The following APBB2 variants were observed in gnomAD, a reference collection of about 807,000 sequenced individuals.
APBB2 encodes amyloid beta precursor protein binding family B member 2, also known as Fe65-like 1.
In APBB2, 38 loss-of-function variants were observed where a neutral mutation model predicts 82.5. The observed-to-expected ratio is 0.46, with a 90% CI of 0.36 to 0.60. APBB2 has a LOEUF of 0.60. Ranked by LOEUF, APBB2 falls within the 20% of genes least tolerant of loss-of-function variation. The probability of loss-of-function intolerance (pLI) is 0.00; values close to 1 mark genes in which losing one functional copy is unlikely to be tolerated. For missense variants in APBB2, 772 were observed against 972.3 expected (o/e 0.79, Z 2.74); for synonymous variants, 341 against 368.2 (o/e 0.93, Z 0.85).
intron 7 of APBB2, among the ~76,000 whole-genome samples, chr4:40,943,140 G>A (rs1404440600): frequency 6.6e-6 from 1 of 152,216 alleles, no homozygotes; most frequent in Non-Finnish European, 1.5e-5. Context: ...TAAGTGAGAA[G>A]ACCTCTGACC....
chr4:40,972,285 AG>A (rs1221420712), intron 6 of APBB2, among the ~76,000 whole-genome samples: 2 of 151,956 alleles, frequency 1.3e-5, no homozygotes, highest in African/African-American at 4.8e-5. Context: ...AAAATTAGCC[AG>A]GCGTGGTGGC....
chr4:41,106,678 G>A (rs531871364), intron 2 of APBB2, among the ~76,000 whole-genome samples: 6 of 152,134 alleles, frequency 3.9e-5, no homozygotes, highest in Admixed American at 1.3e-4. Flanking sequence ...GGGTTTCACC[G>A]TGTTAGCCAG....
chr4:40,923,689 G>A (rs1781901410), intron 10 of APBB2, among the ~76,000 whole-genome samples: 1 of 152,250 alleles, frequency 6.6e-6, no homozygotes, highest in Non-Finnish European at 1.5e-5. Context: ...GAAGAGGGAA[G>A]TCTGCCTTTC....
At chr4:40,952,185 C>CAAA (rs61159163) in intron 6 of APBB2, among the ~76,000 whole-genome samples, 32 of 111,132 alleles carry the variant, frequency 2.9e-4, no homozygotes, top group Non-Finnish European at 4.8e-4. Flanking sequence ...GACTCTGTCT[C>CAAA]AAAAAAAAAA....
chr4:40,964,990 C>G (rs527361928), intron 6 of APBB2, among the ~76,000 whole-genome samples: 24 of 152,048 alleles, frequency 1.6e-4, no homozygotes, highest in East Asian at 9.7e-4. Context: ...CGTGGTGGCA[C>G]GTGCCTGTAG....
intron 12 of APBB2, 53 bp downstream of exon 12, chr4:40,890,311 C>T: frequency 1.3e-6 from 2 of 1,575,962 alleles, no homozygotes; most frequent in Non-Finnish European, 1.7e-6. Flanking sequence ...TGGTGTTCAG[C>T]TAGACCAGGG....
chr4:40,846,423 C>T (rs1247749303), intron 12 of APBB2, among the ~76,000 whole-genome samples: 1 of 151,400 alleles, frequency 6.6e-6, no homozygotes, highest in Admixed American at 6.6e-5. Context: ...TCTTGAAACT[C>T]AATCCCAGGT....
At chr4:40,939,812 C>CT (rs996479864) in intron 7 of APBB2, among the ~76,000 whole-genome samples, 4 of 152,106 alleles carry the variant, frequency 2.6e-5, no homozygotes, top group African/African-American at 9.7e-5. Flanking sequence ...TCTGCCCACC[C>CT]TATCAGAAGA....
intron 1 of APBB2, among the ~76,000 whole-genome samples, chr4:41,202,245 C>A (rs1156770946): frequency 6.6e-6 from 1 of 152,234 alleles, no homozygotes; most frequent in Non-Finnish European, 1.5e-5. Context: ...CAACCTCTGG[C>A]AACTGCCATT....
intron 6 of APBB2, among the ~76,000 whole-genome samples, chr4:41,012,980 C>G (rs1356042250): frequency 6.6e-6 from 1 of 152,160 alleles, no homozygotes; most frequent in Non-Finnish European, 1.5e-5. Flanking sequence ...CTCAATTAGA[C>G]TAGTTAAAAG....
Position 40,826,019 on chromosome 4 carries a change from T to C in APBB2, c.1733-49A>G, listed in dbSNP as rs1040909918. On this transcript the variant is annotated intron_variant, in intron 14 of 17. Transcript: ENST00000508593. The surrounding 1 kb of genome is among the most constrained non-coding windows in gnomAD (Gnocchi z 4.5). ...TCTTTCTCAGTGGTTCCAACACACA[T>C]GTACACAACAGCCGTGGCTCTGCAT... 6.4e-6 allele frequency: 9 copies of C among 1,412,310 alleles called. No homozygotes were observed. Among genetic ancestry groups the C allele is most frequent in the South Asian group, 2.3e-5 (2 of 86,986 alleles). 87.5% of individuals were successfully genotyped at this position (1,412,310 alleles called of 1,614,324 possible).
intron 1 of APBB2, among the ~76,000 whole-genome samples, chr4:41,167,784 A>G (rs1370948208): frequency 6.6e-6 from 1 of 152,056 alleles, no homozygotes; most frequent in African/African-American, 2.4e-5. Flanking sequence ...TAGGAACAAT[A>G]CTGAGGAAAA....
At chr4:41,049,113 C>A (rs1467218226) in intron 4 of APBB2, among the ~76,000 whole-genome samples, 1 of 151,348 alleles carries the variant, frequency 6.6e-6, no homozygotes, top group Admixed American at 6.6e-5. Context: ...AGCGTCTCTG[C>A]CTGGCCGCCC....
chr4:41,135,915 C>G (rs1757428416), intron 2 of APBB2, among the ~76,000 whole-genome samples: 1 of 152,212 alleles, frequency 6.6e-6, no homozygotes, highest in Non-Finnish European at 1.5e-5. Flanking sequence ...AAGCAATTCT[C>G]TTGCCTCAGC....
chr4:41,177,102 T>C (rs1165988019), intron 1 of APBB2, among the ~76,000 whole-genome samples: 1 of 152,132 alleles, frequency 6.6e-6, no homozygotes, highest in Non-Finnish European at 1.5e-5. Context: ...ATTAACACCA[T>C]GGAAAGTGGT....
At chr4:41,116,831 T>A (rs1751133894) in intron 2 of APBB2, among the ~76,000 whole-genome samples, 1 of 152,190 alleles carries the variant, frequency 6.6e-6, no homozygotes, top group Non-Finnish European at 1.5e-5. Flanking sequence ...CAAAAGCATT[T>A]ATGGCCTTAC....
At chr4:40,926,988 T>C (rs6850124) in intron 10 of APBB2, among the ~76,000 whole-genome samples, 2,190 of 152,366 alleles carry the variant, frequency 0.014, 54 homozygotes, top group African/African-American at 0.05. Context: ...CCCTGGTTCA[T>C]GGCGCTCTCT....
chr4:41,076,336 A>G (rs113589013), intron 3 of APBB2, among the ~76,000 whole-genome samples: 9 of 152,326 alleles, frequency 5.9e-5, no homozygotes, highest in East Asian at 3.9e-4. Flanking sequence ...GTAAAACTCC[A>G]TATCTTTGCT....
intron 6 of APBB2, among the ~76,000 whole-genome samples, chr4:40,980,092 G>A (rs965649597): frequency 4.6e-5 from 7 of 152,066 alleles, no homozygotes; most frequent in African/African-American, 1.4e-4. Context: ...GCATGATCTC[G>A]GCTCACTGCA....
Sources: allele counts gnomAD v4.1 joint callset (sites outside exome capture counted in the v4.1 genomes callset), GRCh38; gene constraint gnomAD v4.1.1; non-coding constraint Gnocchi (gnomAD v3.1); transcripts MANE v1.5; gene names NCBI Gene and HGNC (gene_info 2026-07-23, HGNC 2026-07-21).